Variants in ASTN2 observed in about 807,000 individuals in gnomAD.
The protein encoded by ASTN2 is astrotactin-2.
A neutral mutation model predicts 139.8 loss-of-function variants in ASTN2; 54 were observed. That is an observed-to-expected ratio of 0.39 (90% confidence interval 0.31 to 0.48). The LOEUF (loss-of-function observed/expected upper bound fraction) is 0.48, where lower values mean the gene tolerates loss of function less well. ASTN2 is among the 20% of genes least tolerant of loss of function. The pLI is 0.95. For synonymous variants in ASTN2, 756 were observed against 719.5 expected (o/e 1.05, Z -0.81); for missense variants, 1,565 against 1,725.1 (o/e 0.91, Z 1.64).
At chr9:117,055,219 C>T (rs981417212) in intron 5 of ASTN2, among the ~76,000 whole-genome samples, 1 of 152,178 alleles carries the variant, frequency 6.6e-6, no homozygotes, top group Non-Finnish European at 1.5e-5. Context: ...ACTTTGACAA[C>T]AAAAATGTAA....
chr9:116,614,517 A>C (rs1855733987), intron 19 of ASTN2, among the ~76,000 whole-genome samples: 1 of 152,208 alleles, frequency 6.6e-6, no homozygotes, highest in Non-Finnish European at 1.5e-5. Flanking sequence ...ACTGGTACCA[A>C]AACAGAGTTA....
chr9:117,058,015 A>T (rs1044304050), intron 5 of ASTN2, among the ~76,000 whole-genome samples: 1 of 152,182 alleles, frequency 6.6e-6, no homozygotes, highest in Non-Finnish European at 1.5e-5. Flanking sequence ...CTAATTTCCC[A>T]GTTGATTATT....
chr9:116,921,217 T>C (rs1458137959), intron 10 of ASTN2, among the ~76,000 whole-genome samples: 1 of 152,052 alleles, frequency 6.6e-6, no homozygotes, highest in Non-Finnish European at 1.5e-5. Context: ...AGGGGGATGC[T>C]CTTAAACCAT....
chr9:117,263,240 G>A (rs560705245), intron 2 of ASTN2, among the ~76,000 whole-genome samples: 7 of 152,108 alleles, frequency 4.6e-5, no homozygotes, highest in South Asian at 2.1e-4. Context: ...TCTTATGACC[G>A]GGAGAGATTT....
intron 10 of ASTN2, among the ~76,000 whole-genome samples, chr9:116,943,294 C>T (rs1443388008): frequency 6.6e-6 from 1 of 152,048 alleles, no homozygotes; most frequent in Non-Finnish European, 1.5e-5. Context: ...AGGTTAGTGC[C>T]CACACTTTCA....
chr9:116,477,748 C>CGGTG (rs1232100056), intron 20 of ASTN2, among the ~76,000 whole-genome samples: 5 of 149,810 alleles, frequency 3.3e-5, no homozygotes, highest in African/African-American at 1.2e-4. Flanking sequence ...AGGCCAGGCA[C>CGGTG]GGTGGCTCAC....
At chr9:117,226,639 AG>A (rs1832722966) in intron 2 of ASTN2, among the ~76,000 whole-genome samples, 1 of 152,178 alleles carries the variant, frequency 6.6e-6, no homozygotes, top group Non-Finnish European at 1.5e-5. Context: ...GGCCATAGCA[AG>A]CAAATGAACT....
intron 4 of ASTN2, among the ~76,000 whole-genome samples, chr9:117,115,748 G>T (rs1202791859): frequency 6.6e-6 from 1 of 150,980 alleles, no homozygotes; most frequent in Non-Finnish European, 1.5e-5. Flanking sequence ...ATTGCTGGCC[G>T]GGCGCGGTGG....
At chr9:116,643,435 GTA>G (rs1251026411) in intron 17 of ASTN2, among the ~76,000 whole-genome samples, 1 of 152,122 alleles carries the variant, frequency 6.6e-6, no homozygotes, top group Non-Finnish European at 1.5e-5. Context: ...TAGATGATAC[GTA>G]AATCAAGATA....
rs368393476 is a variant in ASTN2, at chr9:117,044,907, CAG to C, written c.1277-4944_1277-4943del. The stretch of plus-strand genomic sequence containing the variant: ...AAGTGTCTCCATCATTTCCATTTTA[CAG>C]AGAGTAGAAGTGTAGAGCAATTAAA... On this transcript the variant is annotated intron_variant, in intron 5 of 22. Coordinates refer to ENST00000313400, the MANE Select transcript of ASTN2 (RefSeq NM_001365068.1). 2.5e-3 allele frequency among the ~76,000 whole-genome samples: 386 copies of C among 152,266 alleles called. 1 individual carries two copies. The highest frequency in any genetic ancestry group is 9.0e-3 in the African/African-American group (372 of 41,544).
chr9:117,028,718 C>T (rs1307597183), intron 6 of ASTN2, among the ~76,000 whole-genome samples: 3 of 152,186 alleles, frequency 2.0e-5, no homozygotes, highest in Non-Finnish European at 2.9e-5. Flanking sequence ...CTGCTCCCTA[C>T]CTCCCTGTTC....
At chr9:117,145,329 T>C (rs912361478) in intron 3 of ASTN2, among the ~76,000 whole-genome samples, 4 of 152,174 alleles carry the variant, frequency 2.6e-5, no homozygotes, top group African/African-American at 9.7e-5. Flanking sequence ...CAGCAGAACC[T>C]GTACTCATTC....
At chr9:116,906,990 C>T (rs770300623) in intron 10 of ASTN2, among the ~76,000 whole-genome samples, 1 of 152,122 alleles carries the variant, frequency 6.6e-6, no homozygotes, top group Non-Finnish European at 1.5e-5. Flanking sequence ...CAATTGCTAA[C>T]CTTTATTGAG....
intron 20 of ASTN2, among the ~76,000 whole-genome samples, chr9:116,470,610 CTT>C: frequency 6.6e-6 from 1 of 152,274 alleles, no homozygotes; most frequent in Non-Finnish European, 1.5e-5. Context: ...TGAAAGCACT[CTT>C]TATATAATAG....
chr9:117,302,423 GA>G (rs1193103431), intron 1 of ASTN2, among the ~76,000 whole-genome samples: 11 of 152,126 alleles, frequency 7.2e-5, no homozygotes, highest in African/African-American at 2.7e-4. Flanking sequence ...GAAGAACAAC[GA>G]GACAAGGATT....
intron 3 of ASTN2, among the ~76,000 whole-genome samples, chr9:117,199,287 C>T (rs1227052307): frequency 1.3e-5 from 2 of 152,090 alleles, no homozygotes; most frequent in African/African-American, 4.8e-5. Flanking sequence ...AGTCTTGTTT[C>T]CATCTTGATT....
chr9:116,998,440 T>C (rs1043077265), intron 7 of ASTN2, among the ~76,000 whole-genome samples: 4 of 152,194 alleles, frequency 2.6e-5, no homozygotes, highest in Admixed American at 1.3e-4. Flanking sequence ...ACACACACTT[T>C]AGCCAGAGTG....
intron 4 of ASTN2, among the ~76,000 whole-genome samples, chr9:117,134,299 C>A (rs939573479): frequency 1.6e-5 from 1 of 61,234 alleles, no homozygotes; most frequent in Non-Finnish European, 3.4e-5. Context: ...TATATATACA[C>A]ACACACACAC....
intron 10 of ASTN2, among the ~76,000 whole-genome samples, chr9:116,907,659 C>T (rs1834198160): frequency 6.6e-6 from 1 of 152,120 alleles, no homozygotes; most frequent in African/African-American, 2.4e-5. Context: ...GTACCGTGCT[C>T]AGGGATCTAT....
Sources: gnomAD v4.1 joint callset for allele counts (sites outside exome capture counted in the v4.1 genomes callset) on GRCh38, gnomAD v4.1.1 for gene constraint, MANE v1.5 for transcripts, NCBI Gene and HGNC (gene_info 2026-07-23, HGNC 2026-07-21) for gene names.